ULK4: variants seen among roughly 807,000 people sequenced by gnomAD.
The protein encoded by ULK4 is unc-51 like kinase 4.
A neutral mutation model predicts 160.6 loss-of-function variants in ULK4; 133 were observed. The ratio of observed to expected loss-of-function variants is 0.83; its 90% CI spans 0.72 to 0.96. The LOEUF (loss-of-function observed/expected upper bound fraction) is 0.96, where lower values mean the gene tolerates loss of function less well. ULK4 is among the 40% of genes least tolerant of loss of function. The probability of loss-of-function intolerance (pLI) is 0.00; values close to 1 mark genes in which losing one functional copy is unlikely to be tolerated. For missense variants in ULK4, 1,580 were observed against 1,499.5 expected (o/e 1.05, Z -0.89); for synonymous variants, 534 against 539.8 (o/e 0.99, Z 0.15).
intron 17 of ULK4, among the ~76,000 whole-genome samples, chr3:41,844,533 C>T (rs533017567): frequency 2.0e-5 from 3 of 152,254 alleles, no homozygotes; most frequent in Admixed American, 6.5e-5. Context: ...CCCCGGTTGC[C>T]GCTCGCGCCT....
In ULK4 at chr3:41,681,461, T is replaced by C. The variant is rs754601656; in HGVS notation, c.2978+47A>G. 8 of 1,605,866 alleles carry C rather than the reference T, an allele frequency of 5.0e-6. No individual in the cohort carries two copies. The East Asian group carries it at 1.8e-4, about 36-fold the overall frequency. On this transcript the variant is annotated intron_variant, in intron 29 of 36. Transcript: ENST00000301831. ...TGAACCTAGTTTGACAGAAGCTTCCTGGATAGCCTACACTTCTCTGCATGA... is the reference window on the plus strand; with the variant it reads ...TGAACCTAGTTTGACAGAAGCTTCCCGGATAGCCTACACTTCTCTGCATGA...
chr3:41,424,669 A>G (rs181099062), intron 34 of ULK4, among the ~76,000 whole-genome samples: 11 of 152,120 alleles, frequency 7.2e-5, no homozygotes, highest in African/African-American at 9.7e-5. Flanking sequence ...AGCAAACTGA[A>G]GCAGCCCTAT....
chr3:41,830,338 A>G (rs989935070), intron 18 of ULK4, among the ~76,000 whole-genome samples: 2 of 152,056 alleles, frequency 1.3e-5, no homozygotes, highest in African/African-American at 4.8e-5. Context: ...CTCTATATCT[A>G]CTTTTAGATC....
chr3:41,351,937 T>A (rs537483669), intron 35 of ULK4, among the ~76,000 whole-genome samples: 3 of 152,308 alleles, frequency 2.0e-5, no homozygotes, highest in African/African-American at 7.2e-5. Flanking sequence ...GTTCAGCAAG[T>A]GGGACTAAAG....
chr3:41,593,115 A>G (rs779575568), intron 31 of ULK4, among the ~76,000 whole-genome samples: 2 of 152,148 alleles, frequency 1.3e-5, no homozygotes, highest in Non-Finnish European at 2.9e-5. Context: ...GTATTATCAT[A>G]TTTTGTTTCT....
rs17056052 is a variant in ULK4, at chr3:41,347,856, C to A, written c.3678+50223G>T. Among the ~76,000 whole-genome samples the A allele has an allele frequency of 7.1e-3, 1,080 of 152,044 alleles. 10 individuals carry two copies. Among genetic ancestry groups the A allele is most frequent in the African/African-American group, 0.025 (1,031 of 41,474 alleles). On this transcript the variant is annotated intron_variant, in intron 35 of 36. Transcript: ENST00000301831. ...AGCATCAGTACCTGTTACTTGTATG[C>A]GCAATAAGGTATTAGGAAGATATAA...
intron 35 of ULK4, among the ~76,000 whole-genome samples, chr3:41,296,140 CA>C (rs1224004090): frequency 6.6e-6 from 1 of 152,142 alleles, no homozygotes; most frequent in African/African-American, 2.4e-5. Flanking sequence ...AGTGCAGGTT[CA>C]TCGACTGTGA....
chr3:41,261,440 T>C (rs1380886875), intron 35 of ULK4, among the ~76,000 whole-genome samples: 1 of 151,530 alleles, frequency 6.6e-6, no homozygotes, highest in African/African-American at 2.4e-5. Context: ...TCCCCTCAAC[T>C]TCAAGATCCA....
chr3:41,533,060 T>A (rs1272680669), intron 32 of ULK4, among the ~76,000 whole-genome samples: 3 of 152,200 alleles, frequency 2.0e-5, no homozygotes, highest in African/African-American at 7.2e-5. Context: ...TTTAAAAACC[T>A]GAGCTAGCCT....
intron 17 of ULK4, among the ~76,000 whole-genome samples, chr3:41,858,211 T>C (rs933200203): frequency 7.3e-6 from 1 of 137,712 alleles, no homozygotes; most frequent in Non-Finnish European, 1.5e-5. Flanking sequence ...AGTGCAGCGG[T>C]GTGATCTTGG....
intron 25 of ULK4, among the ~76,000 whole-genome samples, chr3:41,707,545 G>A (rs1280521564): frequency 6.6e-6 from 1 of 152,080 alleles, no homozygotes; most frequent in Non-Finnish European, 1.5e-5. Flanking sequence ...GTTTTCAAAT[G>A]GTCAGGCCAG....
chr3:41,400,575 A>G (rs2082158504), intron 34 of ULK4, among the ~76,000 whole-genome samples: 1 of 152,194 alleles, frequency 6.6e-6, no homozygotes, highest in Non-Finnish European at 1.5e-5. Context: ...TAACTCATCC[A>G]TAAAGAAAAT....
At chr3:41,433,651 A>C (rs2082963941) in intron 34 of ULK4, among the ~76,000 whole-genome samples, 1 of 152,238 alleles carries the variant, frequency 6.6e-6, no homozygotes, top group Non-Finnish European at 1.5e-5. Context: ...ACAGTACCAC[A>C]GTCATCCAAA....
intron 35 of ULK4, among the ~76,000 whole-genome samples, chr3:41,335,685 C>T (rs1386341791): frequency 6.6e-6 from 1 of 151,924 alleles, no homozygotes; most frequent in Non-Finnish European, 1.5e-5. Context: ...ACAGCTGTGT[C>T]CTAGACGCAT....
intron 31 of ULK4, among the ~76,000 whole-genome samples, chr3:41,587,461 G>C (rs1216618821): frequency 6.6e-6 from 1 of 152,156 alleles, no homozygotes; most frequent in Non-Finnish European, 1.5e-5. Flanking sequence ...TGACATATTA[G>C]AATTCTGACT....
intron 31 of ULK4, among the ~76,000 whole-genome samples, chr3:41,581,287 C>T (rs775238577): frequency 6.6e-6 from 1 of 152,078 alleles, no homozygotes; most frequent in Admixed American, 6.6e-5. Flanking sequence ...AGTACGTTTA[C>T]CTTCTCAATC....
chr3:41,496,182 G>A (rs2084981130), intron 32 of ULK4, among the ~76,000 whole-genome samples: 1 of 151,948 alleles, frequency 6.6e-6, no homozygotes, highest in Admixed American at 6.6e-5. Context: ...AATGAACAAA[G>A]AGAAGGAAAT....
intron 27 of ULK4, among the ~76,000 whole-genome samples, chr3:41,696,499 C>A (rs1235192042): frequency 6.6e-6 from 1 of 152,068 alleles, no homozygotes; most frequent in South Asian, 2.1e-4. Context: ...TGCTTTGTAT[C>A]CAATAAATAA....
At chr3:41,634,251 T>C (rs965301259) in intron 30 of ULK4, among the ~76,000 whole-genome samples, 2 of 152,170 alleles carry the variant, frequency 1.3e-5, no homozygotes, top group African/African-American at 4.8e-5. Context: ...CTGACCCATG[T>C]CCAGTTTATG....
Sources: allele counts gnomAD v4.1 joint callset (sites outside exome capture counted in the v4.1 genomes callset), GRCh38; gene constraint gnomAD v4.1.1; transcripts MANE v1.5; gene names NCBI Gene and HGNC (gene_info 2026-07-23, HGNC 2026-07-21).